CUL3: variants seen among roughly 807,000 people sequenced by gnomAD.
CUL3 encodes the protein cullin-3.
A neutral mutation model predicts 89.1 loss-of-function variants in CUL3; 19 were observed. That is an observed-to-expected ratio of 0.21 (90% CI 0.15 to 0.31). The LOEUF is 0.31. Among genes scored for constraint, CUL3 ranks in the 10% least tolerant of loss-of-function variants. CUL3 has a pLI of 1.00. For synonymous variants in CUL3, 351 were observed against 308.4 expected, an observed-to-expected ratio of 1.14 and a Z score of -1.45; for missense variants, 469 against 942.3, an observed-to-expected ratio of 0.50 and a Z score of 6.58.
chr2:224,534,725 G>A (rs1693819371), intron 3 of CUL3, among the ~76,000 whole-genome samples: 1 of 152,134 alleles, frequency 6.6e-6, no homozygotes, highest in African/African-American at 2.4e-5. Flanking sequence ...GCTCACGCCT[G>A]TAATCCCAGC....
At chr2:224,508,681 G>A (rs939237029) in intron 6 of CUL3, among the ~76,000 whole-genome samples, 3 of 152,016 alleles carry the variant, frequency 2.0e-5, no homozygotes, top group African/African-American at 4.8e-5. Context: ...AGATACTGGC[G>A]AGACACGGTG....
In CUL3 at chr2:224,537,232, A is replaced by T. The variant is rs76413378; in HGVS notation, c.265-1591T>A. ...AAGTGCCAAAGAAAATACACACAAC[A>T]CACTGTGGAAGAATAAATTCAAACT... On this transcript the variant is annotated intron_variant, in intron 2 of 15. Transcript: ENST00000264414. Among the ~76,000 whole-genome samples the T allele has an allele frequency of 2.6e-5, 4 of 152,322 alleles. No homozygotes were observed. In the East Asian group the frequency reaches 7.7e-4, roughly 29 times the overall value.
chr2:224,506,926 A>G lies in CUL3; in HGVS notation c.961T>C (p.Leu321=). 5.6e-6 allele frequency: 9 copies of G among 1,613,672 alleles called. No homozygotes were observed. The highest frequency in any genetic ancestry group is 7.6e-6 in the Non-Finnish European group (9 of 1,179,754). Residue 321 remains leucine (L), a synonymous_variant, in exon 7 of 16, where the codon TTG becomes CTG. Transcript: ENST00000264414. ...ACAAGAGCTTTACCTTGCTCCCTCAAATAGGAACTCATACACTCACACATT... is the reference window on the plus strand; with the variant it reads ...ACAAGAGCTTTACCTTGCTCCCTCAGATAGGAACTCATACACTCACACATT... ...KTMCECMSSY[L]REQGKALVSE...
chr2:224,488,654 C>T (rs946376898), intron 13 of CUL3, among the ~76,000 whole-genome samples: 7 of 152,096 alleles, frequency 4.6e-5, no homozygotes, highest in Non-Finnish European at 8.8e-5. Context: ...CAGGATCAGA[C>T]GGATTCACAG....
intron 1 of CUL3, among the ~76,000 whole-genome samples, chr2:224,573,559 T>C (rs1329566029): frequency 6.6e-6 from 1 of 152,230 alleles, no homozygotes; most frequent in Non-Finnish European, 1.5e-5. Context: ...GAAGGCTTCT[T>C]CCAACTCCTG....
chr2:224,526,505 G>C (rs189313708), intron 3 of CUL3, among the ~76,000 whole-genome samples: 87 of 140,028 alleles, frequency 6.2e-4, no homozygotes, highest in African/African-American at 2.2e-3. Context: ...AGAATCGCTT[G>C]AACCCAGGAG....
chr2:224,572,664 C>T (rs1288100974), intron 1 of CUL3, among the ~76,000 whole-genome samples: 1 of 146,772 alleles, frequency 6.8e-6, no homozygotes, highest in African/African-American at 2.5e-5. Flanking sequence ...GTGGGGTCTT[C>T]AGGAAGTGAT....
chr2:224,550,872 A>C (rs1694487004), intron 2 of CUL3, among the ~76,000 whole-genome samples: 1 of 152,014 alleles, frequency 6.6e-6, no homozygotes, highest in Non-Finnish European at 1.5e-5. Flanking sequence ...AAATCCTTAA[A>C]TGGCTTCCTA....
chr2:224,486,677 A>G (rs1691737003), intron 13 of CUL3, among the ~76,000 whole-genome samples: 1 of 152,194 alleles, frequency 6.6e-6, no homozygotes, highest in Non-Finnish European at 1.5e-5. Context: ...GAATGGAACC[A>G]ACTTGGAAAA....
At chr2:224,509,586 T>C (rs918377647) in intron 6 of CUL3, among the ~76,000 whole-genome samples, 4 of 152,236 alleles carry the variant, frequency 2.6e-5, no homozygotes, top group African/African-American at 4.8e-5. Context: ...CCTAAGGTAC[T>C]AAATAAAGGA....
chr2:224,480,437 T>C (rs1282525745), intron 14 of CUL3, among the ~76,000 whole-genome samples: 2 of 152,220 alleles, frequency 1.3e-5, no homozygotes, highest in African/African-American at 2.4e-5. Context: ...TAGAATTTTA[T>C]TGCTGAAAAG....
intron 11 of CUL3, chr2:224,499,769 G>T: frequency 4.7e-6 from 1 of 211,956 alleles, no homozygotes; most frequent in South Asian, 8.8e-5. Context: ...GCTGCTCGAT[G>T]AAGGGGGTGA....
chr2:224,555,439 C>T (rs899037937), intron 2 of CUL3, among the ~76,000 whole-genome samples: 17 of 152,132 alleles, frequency 1.1e-4, no homozygotes, highest in African/African-American at 4.1e-4. Flanking sequence ...TTATAGCATC[C>T]TCATAATATG....
chr2:224,557,525 AAC>A (rs1694750559), intron 2 of CUL3, 132 bp downstream of exon 2: 4 of 561,906 alleles, frequency 7.1e-6, no homozygotes, highest in Non-Finnish European at 9.0e-6. Flanking sequence ...AGTGCTTATT[AAC>A]AGTCACGAAT....
intron 2 of CUL3, among the ~76,000 whole-genome samples, chr2:224,545,716 G>C (rs1694268655): frequency 6.6e-6 from 1 of 152,146 alleles, no homozygotes; most frequent in Non-Finnish European, 1.5e-5. Flanking sequence ...ATCTCTGAGG[G>C]AGAGGGGAGA....
chr2:224,572,630 G>GAAA (rs67105454), intron 1 of CUL3, among the ~76,000 whole-genome samples: 16 of 86,248 alleles, frequency 1.9e-4, no homozygotes, highest in Non-Finnish European at 2.9e-4. Flanking sequence ...GAGAGTGAGA[G>GAAA]AAAAAAAAAA....
Position 224,506,985 on chromosome 2 carries a change from T to G in CUL3, c.902A>C (p.Lys301Thr). ...ACCATTTGGCACACGACTAAATAAC[T>G]TGTACATGCAACCAAGGTCTACAAA... ...GKTEDLGCMY[K>T]LFSRVPNGLK... The change falls in exon 7 of 16, where the codon AAG (lysine) becomes ACG (threonine). Residue 301 changes from lysine (K) to threonine (T), a missense_variant. Around this residue, in one of 4 missense-constraint regions of CUL3, gnomAD observed 370 missense variants for 733.2 expected, o/e 0.50. Coordinates refer to ENST00000264414, the MANE Select transcript of CUL3 (RefSeq NM_003590.5). 6.2e-7 allele frequency: 1 copy of G among 1,612,168 alleles called. No homozygotes were observed. Among genetic ancestry groups the G allele is most frequent in the Non-Finnish European group, 8.5e-7 (1 of 1,179,336 alleles).
intron 2 of CUL3, among the ~76,000 whole-genome samples, chr2:224,552,332 T>C (rs1367119534): frequency 6.6e-6 from 1 of 152,188 alleles, no homozygotes; most frequent in Non-Finnish European, 1.5e-5. Context: ...AAAGGCCACA[T>C]TACACCCTAA....
intron 1 of CUL3, 25 bp from the exon 2 acceptor site, chr2:224,557,881 G>GAAAAAAAAAAAA (rs778433216): frequency 9.3e-4 from 50 of 54,052 alleles, no homozygotes; most frequent in Admixed American, 1.8e-3. Context: ...AGAGAGAAGA[G>GAAAAAAAAAAAA]ACAAAAAAAA....
Sources: gnomAD v4.1 joint callset for allele counts (sites outside exome capture counted in the v4.1 genomes callset) on GRCh38, gnomAD v4.1.1 for gene constraint, gnomAD v4.1.1 regional missense constraint, MANE v1.5 for transcripts, NCBI Gene and HGNC (gene_info 2026-07-23, HGNC 2026-07-21) for gene names.